The following SFXN5 variants were observed in gnomAD, a reference collection of about 807,000 sequenced individuals.
SFXN5 encodes sideroflexin 5, also known as sideroflexin-5.
In SFXN5, 43 loss-of-function variants were observed where a neutral mutation model predicts 50.2. The ratio of observed to expected loss-of-function variants is 0.86; its 90% CI spans 0.67 to 1.11. The LOEUF (loss-of-function observed/expected upper bound fraction) is 1.11, where lower values mean the gene tolerates loss of function less well. Ranked by LOEUF, SFXN5 falls within the 50% of genes least tolerant of loss-of-function variation. The pLI is 0.00. For synonymous variants in SFXN5, 203 were observed against 185.8 expected (o/e 1.09, Z -0.75); for missense variants, 463 against 454.1 (o/e 1.02, Z -0.18).
Position 72,992,459 on chromosome 2 carries a change from G to A in SFXN5, c.535-4111C>T, listed in dbSNP as rs1049637122. The stretch of plus-strand genomic sequence containing the variant: ...GCAGCCTGAATATCCATTGCCTGGA[G>A]GATGCCTCTGTGTCCAAGGGCTCTA... On this transcript the variant is annotated intron_variant, in intron 9 of 13. Coordinates refer to ENST00000272433, the MANE Select transcript of SFXN5 (RefSeq NM_144579.3). The surrounding 1 kb of genome is among the most constrained non-coding windows in gnomAD (Gnocchi z 4.5). 6.6e-6 allele frequency among the ~76,000 whole-genome samples: 1 copy of A among 152,174 alleles called. No homozygotes were observed. The highest frequency in any genetic ancestry group is 1.5e-5 in the Non-Finnish European group (1 of 68,028).
chr2:73,045,682 C>T (rs908061880), intron 2 of SFXN5, among the ~76,000 whole-genome samples: 1 of 152,050 alleles, frequency 6.6e-6, no homozygotes, highest in African/African-American at 2.4e-5. Context: ...TGCATCCTTA[C>T]CACAGCTTGA....
intron 11 of SFXN5, among the ~76,000 whole-genome samples, chr2:72,969,988 A>C (rs569114080): frequency 1.3e-5 from 2 of 152,236 alleles, no homozygotes; most frequent in South Asian, 4.1e-4. Flanking sequence ...CAGCCCTCAG[A>C]GGAGGCTCCA....
chr2:72,998,649 G>A (rs933967425), intron 9 of SFXN5: 14 of 398,750 alleles, frequency 3.5e-5, no homozygotes, highest in Non-Finnish European at 5.4e-5. Flanking sequence ...ATGAGGAGCA[G>A]CTCTTCCGAG....
chr2:72,999,101 C>T (rs976131888), intron 8 of SFXN5, 87 bp from the exon 9 acceptor site: 3 of 1,405,372 alleles, frequency 2.1e-6, no homozygotes, highest in Non-Finnish European at 3.0e-6. Context: ...CAGCAAGAAG[C>T]ATCCTGCCCA....
At chr2:73,053,066 A>T (rs796988170) in intron 2 of SFXN5, among the ~76,000 whole-genome samples, 57 of 152,160 alleles carry the variant, frequency 3.7e-4, no homozygotes, top group African/African-American at 1.3e-3. Flanking sequence ...AGTCCCAGCT[A>T]CTCAGGAGGC....
chr2:72,965,310 G>A lies in SFXN5; in HGVS notation c.827+3138C>T, dbSNP rs181186503. ...GCCACCAAGCAGCCCGACTCCAGAG[G>A]AAAACCAATCTCCCTTCTGGCTCCC... On this transcript the variant is annotated intron_variant, in intron 12 of 13. Coordinates refer to ENST00000272433, the MANE Select transcript of SFXN5 (RefSeq NM_144579.3). Among the ~76,000 whole-genome samples the A allele has an allele frequency of 4.0e-4, 61 of 152,272 alleles. No homozygotes were observed. In the East Asian group the frequency reaches 6.2e-3, roughly 15 times the overall value.
intron 12 of SFXN5, among the ~76,000 whole-genome samples, chr2:72,963,339 C>G (rs1673977685): frequency 6.6e-6 from 1 of 152,208 alleles, no homozygotes; most frequent in African/African-American, 2.4e-5. Flanking sequence ...GGACACTAGA[C>G]AGACCCCCTT....
rs1029047422 is a variant in SFXN5, at chr2:72,950,121, G to T, written c.946-5022C>A. ...GCTCGCCCAGGGAAGCAGATGGAGGGGTGGGTGCCAAGGCCTGGGGAACAG... is the reference window on the plus strand; with the variant it reads ...GCTCGCCCAGGGAAGCAGATGGAGGTGTGGGTGCCAAGGCCTGGGGAACAG... On this transcript the variant is annotated intron_variant, in intron 13 of 13. Coordinates refer to ENST00000272433, the MANE Select transcript of SFXN5 (RefSeq NM_144579.3). The surrounding 1 kb of genome is among the most constrained non-coding windows in gnomAD (Gnocchi z 4.2). Among the ~76,000 whole-genome samples the T allele has an allele frequency of 6.6e-6, 1 of 152,188 alleles. No individual in the cohort carries two copies. The highest frequency in any genetic ancestry group is 6.5e-5 in the Admixed American group (1 of 15,294).
chr2:72,968,582 A>G (rs779820616), intron 11 of SFXN5, 49 bp from the exon 12 acceptor site: 1 of 1,574,700 alleles, frequency 6.4e-7, no homozygotes, highest in South Asian at 1.1e-5. Context: ...AGCTGGTGAC[A>G]GGACAGCACA....
intron 6 of SFXN5, among the ~76,000 whole-genome samples, chr2:73,007,211 C>A (rs983169190): frequency 6.6e-6 from 1 of 152,222 alleles, no homozygotes; most frequent in African/African-American, 2.4e-5. Context: ...CCCTTGGCCA[C>A]CTCCCATACA....
At chr2:73,001,450 C>A in intron 7 of SFXN5, 75 bp downstream of exon 7, 1 of 1,515,038 alleles carries the variant, frequency 6.6e-7, no homozygotes, top group Non-Finnish European at 9.2e-7. Context: ...GCAGGAGACA[C>A]CACAGCAGGG....
intron 11 of SFXN5, among the ~76,000 whole-genome samples, chr2:72,969,794 G>A (rs1285915355): frequency 4.6e-5 from 7 of 151,702 alleles, no homozygotes; most frequent in African/African-American, 1.7e-4. Context: ...CAAGAAGTTG[G>A]TTCTGTAAGG....
intron 12 of SFXN5, among the ~76,000 whole-genome samples, chr2:72,963,324 GGTGGGGACACTAGACAGACCCCCTTTCT>G (rs1170708606): frequency 6.6e-6 from 1 of 152,200 alleles, no homozygotes. Context: ...GGGACCTGCT[GGTGGGGACACTAGACAGACCCCCTTTCT>G]GTGGGGCTGT....
Position 73,020,160 on chromosome 2 carries a change from A to T in SFXN5, c.357+79T>A, listed in dbSNP as rs1365420648. 3.0e-6 allele frequency: 4 copies of T among 1,341,134 alleles called. No homozygotes were observed. In the Admixed American group the frequency reaches 7.4e-5, roughly 25 times the overall value. The allele number at this position is 1,341,134 out of a possible 1,614,324, so 83.1% of individuals were successfully genotyped here. A position where few individuals can be genotyped will look rare whatever the true frequency, so the allele number is the denominator to read the frequency against. ...TATCCTAAATCAACAATTCAGTCAA[A>T]TACCCGTGAGCAATAACATAAAGTT... On this transcript the variant is annotated intron_variant, in intron 6 of 13. Transcript: ENST00000272433.
chr2:73,030,648 T>C (rs1574169144), intron 3 of SFXN5, among the ~76,000 whole-genome samples: 1 of 147,016 alleles, frequency 6.8e-6, no homozygotes, highest in Admixed American at 6.7e-5. Flanking sequence ...GACCTCCCCA[T>C]TCCTCCCTTC....
chr2:73,043,467 T>C (rs72920440), intron 2 of SFXN5, among the ~76,000 whole-genome samples: 11,618 of 152,260 alleles, frequency 0.076, 1,225 homozygotes, highest in African/African-American at 0.24. Context: ...TGTGAAGCAC[T>C]GGCATGTGAA....
intron 2 of SFXN5, among the ~76,000 whole-genome samples, chr2:73,047,281 C>CATATATATAT (rs372933316): frequency 1.0e-4 from 6 of 58,512 alleles, no homozygotes; most frequent in Admixed American, 2.6e-4. Flanking sequence ...TATATACACA[C>CATATATATAT]ATATATATAT....
At chr2:73,014,153 G>C (rs1368427152) in intron 6 of SFXN5, among the ~76,000 whole-genome samples, 1 of 152,004 alleles carries the variant, frequency 6.6e-6, no homozygotes, top group South Asian at 2.1e-4. Context: ...TTTTCTTGTT[G>C]ATGGAATTTC....
At position 73,022,568 on chromosome 2, in the gene SFXN5, T is replaced by C. The variant is rs748342921; in HGVS notation, c.285A>G (p.Leu95=). The change falls in exon 5 of 14, where the codon CTA becomes CTG. Residue 95 remains leucine (L), a synonymous_variant. Coordinates refer to ENST00000272433, the MANE Select transcript of SFXN5 (RefSeq NM_144579.3). ...AGATCTTCTCATTGGTGTCCGGATG[T>C]AGAATAGCCTGGCAAAAGCAGGAAC... ...WSAQKIKQAI[L]HPDTNEKIFM... is the part of the protein sequence containing the mutation. 6.9e-5 allele frequency: 104 copies of C among 1,506,492 alleles called. No homozygotes were observed. The highest frequency in any genetic ancestry group is 8.6e-5 in the Non-Finnish European group (97 of 1,125,424). 93.3% of individuals were successfully genotyped at this position (1,506,492 alleles called of 1,614,324 possible).
Sources: gnomAD v4.1 joint callset for allele counts (sites outside exome capture counted in the v4.1 genomes callset) on GRCh38, gnomAD v4.1.1 for gene constraint, Gnocchi (gnomAD v3.1) non-coding constraint, MANE v1.5 for transcripts, NCBI Gene and HGNC (gene_info 2026-07-23, HGNC 2026-07-21) for gene names.